PRDM5: variants seen among roughly 807,000 people sequenced by gnomAD.
The protein encoded by PRDM5 is PR domain zinc finger protein 5.
PRDM5 carries 56 observed loss-of-function variants against 81.2 expected under a neutral mutation model. The ratio of observed to expected loss-of-function variants is 0.69; its 90% CI spans 0.56 to 0.86. The LOEUF is 0.86. Ranked by LOEUF, PRDM5 falls within the 40% of genes least tolerant of loss-of-function variation. PRDM5 has a pLI of 0.00. For synonymous variants in PRDM5, 267 were observed against 256.4 expected (o/e 1.04, Z -0.39); for missense variants, 697 against 770.1 (o/e 0.91, Z 1.12).
intron 2 of PRDM5, among the ~76,000 whole-genome samples, chr4:120,875,402 G>A (rs1473355752): frequency 1.3e-5 from 2 of 152,242 alleles, no homozygotes; most frequent in African/African-American, 2.4e-5. Context: ...TTGAATTAGT[G>A]TACAGGAGGG....
chr4:120,833,105 C>A (rs1436161900), intron 3 of PRDM5, among the ~76,000 whole-genome samples: 4 of 152,156 alleles, frequency 2.6e-5, no homozygotes, highest in Admixed American at 2.6e-4. Flanking sequence ...ACAGTAGCCC[C>A]CTTCTTATCT....
At chr4:120,723,202 AAC>A (rs1342686436) in intron 14 of PRDM5, among the ~76,000 whole-genome samples, 1 of 152,188 alleles carries the variant, frequency 6.6e-6, no homozygotes, top group Non-Finnish European at 1.5e-5. Flanking sequence ...GAAAATACAC[AAC>A]ACAGTCTAAG....
intron 2 of PRDM5, among the ~76,000 whole-genome samples, chr4:120,884,787 A>T (rs530916350): frequency 1.1e-3 from 170 of 152,286 alleles, no homozygotes; most frequent in African/African-American, 3.9e-3. Context: ...AGTCTGATAA[A>T]AAGCTGACCT....
At chr4:120,921,999 T>C (rs1486971651) in intron 1 of PRDM5, among the ~76,000 whole-genome samples, 1 of 152,226 alleles carries the variant, frequency 6.6e-6, no homozygotes, top group Non-Finnish European at 1.5e-5. Context: ...TTCTACGGCC[T>C]GCGTGGAGCG....
At chr4:120,907,597 T>C (rs1322798333) in intron 1 of PRDM5, 40 bp from the exon 2 acceptor site, 1 of 1,483,564 alleles carries the variant, frequency 6.7e-7, no homozygotes. Flanking sequence ...ATTAGTACAA[T>C]AAATCAACAT....
Position 120,830,808 on chromosome 4 carries a change from G to A in PRDM5, c.301-9463C>T, listed in dbSNP as rs143552809. 5.6e-3 allele frequency among the ~76,000 whole-genome samples: 859 copies of A among 152,104 alleles called. 6 individuals are homozygous for A. Among genetic ancestry groups the A allele is most frequent in the Non-Finnish European group, 8.6e-3 (583 of 67,966 alleles). On this transcript the variant is annotated intron_variant, in intron 3 of 15. Transcript: ENST00000264808. ...AGCCATACAGGGAGGAAACAGTTTA[G>A]TATGATTCCTAAAAACAGAATACTA... is the stretch of plus-strand genomic sequence containing the variant.
chr4:120,751,576 T>A (rs1218164553), intron 14 of PRDM5, among the ~76,000 whole-genome samples: 9 of 151,110 alleles, frequency 6.0e-5, no homozygotes, highest in African/African-American at 9.7e-5. Flanking sequence ...AAAAATACAA[T>A]GAAAAACACA....
chr4:120,712,150 G>T (rs1284826796), intron 14 of PRDM5, among the ~76,000 whole-genome samples: 1 of 152,042 alleles, frequency 6.6e-6, no homozygotes, highest in East Asian at 1.9e-4. Context: ...GCTGGGCATG[G>T]TGGCGGGCAC....
chr4:120,893,568 A>G (rs950591797), intron 2 of PRDM5, among the ~76,000 whole-genome samples: 3 of 152,242 alleles, frequency 2.0e-5, no homozygotes, highest in African/African-American at 4.8e-5. Flanking sequence ...CACTGGACAC[A>G]GTATTCTGTA....
At chr4:120,729,349 T>C (rs114356504) in intron 14 of PRDM5, among the ~76,000 whole-genome samples, 5,447 of 152,262 alleles carry the variant, frequency 0.036, 127 homozygotes, top group African/African-American at 0.061. Context: ...TTTAAGAATA[T>C]GTTTTATTAT....
intron 3 of PRDM5, among the ~76,000 whole-genome samples, chr4:120,831,937 C>G (rs1157829207): frequency 1.3e-5 from 2 of 152,074 alleles, no homozygotes; most frequent in Non-Finnish European, 2.9e-5. Context: ...AGAGTGTCAA[C>G]TAAATTATTA....
intron 1 of PRDM5, 59 bp downstream of exon 1, chr4:120,922,457 C>T: frequency 2.2e-6 from 3 of 1,367,616 alleles, no homozygotes; most frequent in South Asian, 1.8e-5. Context: ...CAGGGCGACT[C>T]CGGGAGGCAC....
intron 10 of PRDM5, among the ~76,000 whole-genome samples, chr4:120,787,622 G>T (rs1749946495): frequency 6.6e-6 from 1 of 152,148 alleles, no homozygotes; most frequent in South Asian, 2.1e-4. Flanking sequence ...AAAGTGAACA[G>T]GTTTTGAGAA....
chr4:120,852,893 G>A (rs77141743), intron 3 of PRDM5, among the ~76,000 whole-genome samples: 17,978 of 148,154 alleles, frequency 0.12, 1,286 homozygotes, highest in East Asian at 0.17. Context: ...TTGACCTCTC[G>A]GGCTCAAGTG....
intron 12 of PRDM5, among the ~76,000 whole-genome samples, chr4:120,778,532 C>T (rs930368116): frequency 1.2e-4 from 18 of 151,956 alleles, no homozygotes; most frequent in African/African-American, 1.7e-4. Flanking sequence ...ATTTAATTAG[C>T]GAATTTGCAT....
chr4:120,817,692 T>G (rs977353403), intron 5 of PRDM5, among the ~76,000 whole-genome samples: 3 of 152,160 alleles, frequency 2.0e-5, no homozygotes, highest in Admixed American at 6.5e-5. Context: ...AAATAAAACT[T>G]TACAAATGCA....
chr4:120,710,208 C>G, intron 15 of PRDM5, 101 bp downstream of exon 15: 1 of 875,026 alleles, frequency 1.1e-6, no homozygotes, highest in South Asian at 1.6e-5. Context: ...AGCAATGCAA[C>G]ACACACACAC....
At chr4:120,862,641 CA>C (rs1260696067) in intron 2 of PRDM5, among the ~76,000 whole-genome samples, 2 of 152,134 alleles carry the variant, frequency 1.3e-5, no homozygotes, top group Admixed American at 1.3e-4. Flanking sequence ...TGTTCCCTGT[CA>C]ATAGTTAACA....
intron 1 of PRDM5, among the ~76,000 whole-genome samples, chr4:120,912,292 C>T (rs370796288): frequency 6.6e-6 from 1 of 152,104 alleles, no homozygotes; most frequent in Non-Finnish European, 1.5e-5. Context: ...ACATTATATG[C>T]CCCCTACTGT....
Sources: allele counts gnomAD v4.1 joint callset (sites outside exome capture counted in the v4.1 genomes callset), GRCh38; gene constraint gnomAD v4.1.1; transcripts MANE v1.5; gene names NCBI Gene and HGNC (gene_info 2026-07-23, HGNC 2026-07-21).